The following NRXN3 variants were observed in gnomAD, a reference collection of about 807,000 sequenced individuals.
The protein encoded by NRXN3 is neurexin 3, also known as neurexin III.
A neutral mutation model predicts 137.6 loss-of-function variants in NRXN3; 32 were observed. The ratio of observed to expected loss-of-function variants is 0.23; its 90% confidence interval spans 0.18 to 0.31. The LOEUF is 0.31. NRXN3 is among the 10% of genes least tolerant of loss of function. The pLI is 1.00. For synonymous variants in NRXN3, 798 were observed against 784.5 expected (o/e 1.02, Z -0.29); for missense variants, 1,574 against 2,062.5 (o/e 0.76, Z 4.59).
intron 4 of NRXN3, among the ~76,000 whole-genome samples, chr14:78,568,775 G>A (rs546122883): frequency 2.0e-5 from 3 of 152,148 alleles, no homozygotes; most frequent in Admixed American, 6.5e-5. Flanking sequence ...TGTGGCAAAT[G>A]TGTCACACCC....
At chr14:78,659,188 A>C (rs1376151364) in intron 6 of NRXN3, among the ~76,000 whole-genome samples, 1 of 152,176 alleles carries the variant, frequency 6.6e-6, no homozygotes, top group Non-Finnish European at 1.5e-5. Context: ...GTGAAGACAG[A>C]GGGAGAAGAT....
rs944583140 is a variant in NRXN3, at chr14:79,180,808, A to C, written c.3262+192667A>C. Among the ~76,000 whole-genome samples the C allele has an allele frequency of 3.3e-5, 5 of 152,114 alleles. No homozygotes were observed. In the East Asian group the frequency reaches 9.6e-4, roughly 29 times the overall value. On this transcript the variant is annotated intron_variant, in intron 15 of 20. Transcript: ENST00000335750. ...GGTTTCACTTCTATGCCAGTGCCTC[A>C]TCTATGCCTCAGACCTAATAATCTT... is the stretch of plus-strand genomic sequence containing the variant.
intron 16 of NRXN3, among the ~76,000 whole-genome samples, chr14:79,644,407 C>T (rs1276519979): frequency 7.4e-6 from 1 of 135,574 alleles, no homozygotes; most frequent in African/African-American, 2.5e-5. Context: ...ATAATGAGAG[C>T]AGAGAACTGG....
intron 16 of NRXN3, among the ~76,000 whole-genome samples, chr14:79,497,441 A>G (rs10148756): frequency 0.085 from 12,917 of 151,968 alleles, 1,602 homozygotes; most frequent in African/African-American, 0.27. Context: ...ATGTTACCTT[A>G]TTAATGAAGA....
At chr14:79,719,087 C>T (rs1470041297) in intron 19 of NRXN3, among the ~76,000 whole-genome samples, 1 of 152,254 alleles carries the variant, frequency 6.6e-6, no homozygotes, top group Middle Eastern at 3.4e-3. Context: ...TTCCTCCATG[C>T]TTATCCACAT....
At chr14:79,720,624 G>T (rs888756819) in intron 19 of NRXN3, among the ~76,000 whole-genome samples, 2 of 151,930 alleles carry the variant, frequency 1.3e-5, no homozygotes, top group African/African-American at 4.8e-5. Flanking sequence ...CTTCAACTAG[G>T]TTTCTATTCA....
intron 4 of NRXN3, among the ~76,000 whole-genome samples, chr14:78,537,565 T>G (rs1488813375): frequency 2.0e-5 from 3 of 152,244 alleles, no homozygotes; most frequent in Non-Finnish European, 4.4e-5. Flanking sequence ...AGGTTGCTTG[T>G]TCACTCTGAT....
intron 6 of NRXN3, among the ~76,000 whole-genome samples, chr14:78,691,929 C>T (rs1053611334): frequency 2.0e-5 from 3 of 151,742 alleles, no homozygotes; most frequent in African/African-American, 7.3e-5. Flanking sequence ...AAAGCATGAC[C>T]AATAAACAAG....
chr14:79,442,582 G>C lies in NRXN3; in HGVS notation c.3263-24639G>C, dbSNP rs566768219. ...GGGACAGGACATGGTTGGCAACTGG[G>C]AAAGACACTCAGCAAATATTACAGA... On this transcript the variant is annotated intron_variant, in intron 15 of 20. Coordinates refer to ENST00000335750, the MANE Select transcript of NRXN3 (RefSeq NM_001330195.2). 3.3e-5 allele frequency among the ~76,000 whole-genome samples: 5 copies of C among 152,286 alleles called. No individual in the cohort carries two copies. In the South Asian group the frequency reaches 1.0e-3, roughly 32 times the overall value.
chr14:78,235,344 G>A (rs2066137596), intron 1 of NRXN3, among the ~76,000 whole-genome samples: 1 of 151,994 alleles, frequency 6.6e-6, no homozygotes, highest in African/African-American at 2.4e-5. Flanking sequence ...CATGAAAGAT[G>A]AGATCAGGCC....
Position 78,978,042 on chromosome 14 carries a change from A to G in NRXN3, c.3142+9696A>G, listed in dbSNP as rs540547522. On this transcript the variant is annotated intron_variant, in intron 14 of 20. Coordinates refer to ENST00000335750, the MANE Select transcript of NRXN3 (RefSeq NM_001330195.2). Reference sequence around the variant, plus strand: ...CCATAACCAATTTTATACCCAACGTATTATGAGAGGGTTGAAGTGGTTGAA... The same window carrying G: ...CCATAACCAATTTTATACCCAACGTGTTATGAGAGGGTTGAAGTGGTTGAA... 1.4e-3 allele frequency among the ~76,000 whole-genome samples: 211 copies of G among 152,288 alleles called. 1 individual carries two copies. The highest frequency in any genetic ancestry group is 6.8e-3 in the Middle Eastern group (2 of 294).
chr14:78,420,738 A>T (rs17107533), intron 4 of NRXN3, among the ~76,000 whole-genome samples: 3,973 of 152,344 alleles, frequency 0.026, 171 homozygotes, highest in African/African-American at 0.084. Context: ...GAAAATTAAA[A>T]GAGCATTGAT....
At chr14:78,820,956 A>G (rs2098949081) in intron 10 of NRXN3, among the ~76,000 whole-genome samples, 1 of 152,146 alleles carries the variant, frequency 6.6e-6, no homozygotes, top group African/African-American at 2.4e-5. Flanking sequence ...AAATGGGGAA[A>G]CCAAGGCTCA....
intron 15 of NRXN3, among the ~76,000 whole-genome samples, chr14:79,044,526 T>C (rs988282414): frequency 1.3e-5 from 2 of 152,238 alleles, no homozygotes; most frequent in African/African-American, 4.8e-5. Flanking sequence ...TGAAAGCTCA[T>C]AGCACAATGG....
intron 1 of NRXN3, among the ~76,000 whole-genome samples, chr14:78,189,535 T>C (rs529035647): frequency 1.1e-4 from 16 of 152,048 alleles, no homozygotes; most frequent in South Asian, 1.0e-3. Flanking sequence ...ACTTAAACTC[T>C]CTGATCCCAG....
chr14:78,227,857 A>T (rs765458215), intron 1 of NRXN3, among the ~76,000 whole-genome samples: 6 of 152,210 alleles, frequency 3.9e-5, no homozygotes, highest in Non-Finnish European at 7.3e-5. Context: ...TGACAGTTCT[A>T]TTCTATGTGT....
intron 16 of NRXN3, among the ~76,000 whole-genome samples, chr14:79,660,454 TAAG>T (rs2098528000): frequency 2.0e-5 from 3 of 152,262 alleles, no homozygotes; most frequent in South Asian, 2.1e-4. Flanking sequence ...CTAACAGGAT[TAAG>T]AAGATCTCCC....
intron 15 of NRXN3, among the ~76,000 whole-genome samples, chr14:79,237,315 C>A (rs1444836373): frequency 6.6e-6 from 1 of 152,060 alleles, no homozygotes; most frequent in Non-Finnish European, 1.5e-5. Flanking sequence ...TATAGTGATA[C>A]ATTTAAGATT....
At chr14:79,224,984 C>A (rs2070557531) in intron 15 of NRXN3, among the ~76,000 whole-genome samples, 1 of 152,046 alleles carries the variant, frequency 6.6e-6, no homozygotes. Context: ...TTACAGCCGC[C>A]CTAGGAAACT....
Sources: allele counts gnomAD v4.1 joint callset (sites outside exome capture counted in the v4.1 genomes callset), GRCh38; gene constraint gnomAD v4.1.1; transcripts MANE v1.5; gene names NCBI Gene and HGNC (gene_info 2026-07-23, HGNC 2026-07-21).